Variants in NT5M observed in about 807,000 individuals in gnomAD.
NT5M encodes 5'(3')-deoxyribonucleotidase, mitochondrial.
A neutral mutation model predicts 22.2 loss-of-function variants in NT5M; 22 were observed. The ratio of observed to expected loss-of-function variants is 0.99; its 90% CI spans 0.71 to 1.41. The LOEUF (loss-of-function observed/expected upper bound fraction) is 1.41. Among genes scored for constraint, NT5M ranks in the 40% most tolerant of loss-of-function variants. The pLI is 0.00. For synonymous variants in NT5M, 167 were observed against 133.0 expected (o/e 1.26, Z -1.76); for missense variants, 322 against 314.8 (o/e 1.02, Z -0.17).
chr17:17,324,223 C>T (rs1240565320), intron 3 of NT5M, among the ~76,000 whole-genome samples: 1 of 151,158 alleles, frequency 6.6e-6, no homozygotes. Context: ...GTGGCTCACG[C>T]CTGTAATCCC....
intron 3 of NT5M, among the ~76,000 whole-genome samples, chr17:17,342,324 G>C (rs1597802738): frequency 6.6e-6 from 1 of 152,080 alleles, no homozygotes; most frequent in East Asian, 1.9e-4. Flanking sequence ...TTCTTCATCT[G>C]TACGGGATCT....
chr17:17,336,373 C>G (rs1396778976), intron 3 of NT5M, among the ~76,000 whole-genome samples: 2 of 152,032 alleles, frequency 1.3e-5, no homozygotes, highest in African/African-American at 4.8e-5. Flanking sequence ...CTCCCCCTTC[C>G]CAGCCTCTAC....
At chr17:17,306,759 C>T (rs529766911) in intron 2 of NT5M, 116 bp downstream of exon 2, 3 of 731,102 alleles carry the variant, frequency 4.1e-6, no homozygotes, top group East Asian at 5.1e-5. Context: ...TGGCCCTGCG[C>T]AAGGCTGCAC....
Position 17,306,608 on chromosome 17 carries a change from C to T in NT5M, c.333C>T (p.Ala111=), listed in dbSNP as rs373744872. 6.4e-5 allele frequency: 103 copies of T among 1,613,982 alleles called. 1 individual carries two copies. The highest frequency in any genetic ancestry group is 1.7e-4 in the Middle Eastern group (1 of 6,012). ...FFFELEPLPG[A]VEAVKEMASL... The stretch of plus-strand genomic sequence containing the variant: ...TTGAACTTGAGCCTCTGCCAGGGGC[C>T]GTGGAAGCTGTCAAGGAGATGGCCA... The change falls in exon 2 of 5, where the codon GCC becomes GCT. Residue 111 remains alanine (A), a synonymous_variant. Coordinates refer to ENST00000389022, the MANE Select transcript of NT5M (RefSeq NM_020201.4).
chr17:17,319,430 TGAATATTAGGATATATGAATTC>T (rs2049105306), intron 2 of NT5M, among the ~76,000 whole-genome samples: 10 of 152,188 alleles, frequency 6.6e-5, no homozygotes, highest in Admixed American at 6.5e-4. Context: ...TTAAAATAGG[TGAATATTAGGATATATGAATTC>T]TATCTCAGTA....
At chr17:17,313,443 T>C (rs2048961010) in intron 2 of NT5M, among the ~76,000 whole-genome samples, 1 of 152,198 alleles carries the variant, frequency 6.6e-6, no homozygotes, top group Non-Finnish European at 1.5e-5. Flanking sequence ...AAGATTCCTA[T>C]GGTCAGTTTG....
At chr17:17,313,621 C>T (rs12941075) in intron 2 of NT5M, among the ~76,000 whole-genome samples, 14,662 of 152,228 alleles carry the variant, frequency 0.096, 915 homozygotes, top group Non-Finnish European at 0.14. Context: ...GCATGCTCAG[C>T]CTCATCCCAG....
chr17:17,342,645 C>A (rs2049669553), intron 3 of NT5M, among the ~76,000 whole-genome samples: 2 of 152,232 alleles, frequency 1.3e-5, no homozygotes, highest in South Asian at 4.1e-4. Flanking sequence ...AACACCTGAG[C>A]ACCGGCCTGC....
chr17:17,310,883 G>C (rs2048909693), intron 2 of NT5M, among the ~76,000 whole-genome samples: 1 of 152,164 alleles, frequency 6.6e-6, no homozygotes, highest in South Asian at 2.1e-4. Context: ...ATTCGGCTGA[G>C]CACAGTGGCT....
chr17:17,306,983 A>G lies in NT5M; in HGVS notation c.368+340A>G, dbSNP rs1229312705. 5.9e-5 allele frequency among the ~76,000 whole-genome samples: 9 copies of G among 152,018 alleles called. No homozygotes were observed. The East Asian group carries it at 1.5e-3, about 26-fold the overall frequency. The stretch of plus-strand genomic sequence containing the variant: ...GAGGCTGAGGCGGGCGGATCACGTG[A>G]GGTCGGGAGTTTGAGACCAGCCTGA... On this transcript the variant is annotated intron_variant, in intron 2 of 4. Transcript: ENST00000389022.
chr17:17,341,623 G>A (rs1447833106), intron 3 of NT5M, among the ~76,000 whole-genome samples: 1 of 152,230 alleles, frequency 6.6e-6, no homozygotes, highest in Non-Finnish European at 1.5e-5. Context: ...AGATACTCAC[G>A]TGAGAAGCTG....
At chr17:17,342,446 G>A (rs1010645809) in intron 3 of NT5M, among the ~76,000 whole-genome samples, 1 of 152,174 alleles carries the variant, frequency 6.6e-6, no homozygotes, top group Non-Finnish European at 1.5e-5. Flanking sequence ...GAAACTGGGT[G>A]TGTGTGATTG....
intron 2 of NT5M, among the ~76,000 whole-genome samples, chr17:17,314,454 G>A (rs982732149): frequency 3.3e-5 from 5 of 152,152 alleles, no homozygotes; most frequent in African/African-American, 9.7e-5. Flanking sequence ...AGAATTTGGT[G>A]TGTATGCTTC....
chr17:17,323,658 G>A (rs573587965), intron 3 of NT5M, among the ~76,000 whole-genome samples: 8 of 152,350 alleles, frequency 5.3e-5, no homozygotes, highest in Admixed American at 2.6e-4. Context: ...TGGAAATTGG[G>A]AACTTGCAGT....
At chr17:17,314,862 A>G (rs773772501) in intron 2 of NT5M, among the ~76,000 whole-genome samples, 1 of 152,144 alleles carries the variant, frequency 6.6e-6, no homozygotes, top group Non-Finnish European at 1.5e-5. Flanking sequence ...TTGCCTCCTC[A>G]CAGAGGCCTT....
At chr17:17,334,313 G>GT (rs551340168) in intron 3 of NT5M, among the ~76,000 whole-genome samples, 2,258 of 139,334 alleles carry the variant, frequency 0.016, 44 homozygotes, top group African/African-American at 0.041. Context: ...AAATGGAGAG[G>GT]TTTTTTTTTT....
chr17:17,346,175 G>A (rs951261024), intron 4 of NT5M, among the ~76,000 whole-genome samples: 4 of 138,506 alleles, frequency 2.9e-5, no homozygotes, highest in African/African-American at 1.0e-4. Context: ...GTTCCCGCCA[G>A]AGTCAGGGCA....
intron 1 of NT5M, 52 bp from the exon 2 acceptor site, chr17:17,306,491 G>T (rs2048803789): frequency 8.0e-7 from 1 of 1,252,504 alleles, no homozygotes; most frequent in African/African-American, 1.5e-5. Context: ...CAAGATGAGG[G>T]CAGTAAGGTG....
At chr17:17,318,943 G>C (rs2049094024) in intron 2 of NT5M, among the ~76,000 whole-genome samples, 1 of 151,974 alleles carries the variant, frequency 6.6e-6, no homozygotes, top group Non-Finnish European at 1.5e-5. Context: ...GGGCGTGGTG[G>C]CTCACCCCTG....
Sources: gnomAD v4.1 joint callset for allele counts (sites outside exome capture counted in the v4.1 genomes callset) on GRCh38, gnomAD v4.1.1 for gene constraint, MANE v1.5 for transcripts, NCBI Gene and HGNC (gene_info 2026-07-23, HGNC 2026-07-21) for gene names.